CSMD1: variants seen among roughly 807,000 people sequenced by gnomAD.
CSMD1 encodes CUB and Sushi multiple domains 1.
In CSMD1, 213 loss-of-function variants were observed where a neutral mutation model predicts 417.5. That is an observed-to-expected ratio of 0.51 (90% CI 0.46 to 0.57). The LOEUF is 0.57. Among genes scored for constraint, CSMD1 ranks in the 20% least tolerant of loss-of-function variants. The probability of loss-of-function intolerance (pLI) is 0.00; values close to 1 mark genes in which losing one functional copy is unlikely to be tolerated. For missense variants in CSMD1, 6,923 were observed against 4,529.7 expected (o/e 1.53, Z -15.17); for synonymous variants, 2,862 against 1,736.8 (o/e 1.65, Z -16.11).
chr8:3,753,923 T>C lies in CSMD1; in HGVS notation c.931+7A>G, dbSNP rs746352867. 5 of 1,579,458 alleles carry C rather than the reference T, an allele frequency of 3.2e-6. No individual in the cohort carries two copies. Among genetic ancestry groups the C allele is most frequent in the Non-Finnish European group, 4.3e-6 (5 of 1,150,102 alleles). On this transcript the variant is annotated splice_region_variant and intron_variant, in intron 6 of 69. Coordinates refer to ENST00000635120, the MANE Select transcript of CSMD1 (RefSeq NM_033225.6). Reference sequence around the variant, plus strand: ...TTTTTTTTTCTTATAAGATGGAGCATCCTTACCTTGGAACTGAGCGTTAAA... The same window carrying C: ...TTTTTTTTTCTTATAAGATGGAGCACCCTTACCTTGGAACTGAGCGTTAAA...
chr8:4,734,288 C>G (rs1810085753), intron 1 of CSMD1, among the ~76,000 whole-genome samples: 1 of 151,990 alleles, frequency 6.6e-6, no homozygotes. Context: ...ATATATTGAG[C>G]AGTACTAAAA....
chr8:3,366,928 C>A (rs1337090696), intron 20 of CSMD1, 104 bp downstream of exon 20: 3 of 901,590 alleles, frequency 3.3e-6, no homozygotes, highest in Non-Finnish European at 5.3e-6. Context: ...CAAACACACA[C>A]GGATGCACAC....
Position 4,994,765 on chromosome 8 carries a change from G to A in CSMD1, c.-349C>T. ...GAGAGGAGCGCGCGCAGCCAGGAGAGACCTGGAGAGGAGGCAGCTGGAGAG... is the reference window on the plus strand; with the variant it reads ...GAGAGGAGCGCGCGCAGCCAGGAGAAACCTGGAGAGGAGGCAGCTGGAGAG... On this transcript the variant is annotated 5_prime_UTR_variant, in exon 1 of 70. Transcript: ENST00000635120. The A allele has an allele frequency of 3.9e-6, 1 of 255,706 alleles. No individual in the cohort carries two copies. The highest frequency in any genetic ancestry group is 7.4e-6 in the Non-Finnish European group (1 of 134,524). The allele number at this position is 255,706 out of a possible 1,614,324, so 15.8% of individuals were successfully genotyped here.
intron 5 of CSMD1, among the ~76,000 whole-genome samples, chr8:3,894,952 T>G (rs906328965): frequency 9.2e-5 from 14 of 152,316 alleles, no homozygotes; most frequent in African/African-American, 3.4e-4. Context: ...TCCAATATGA[T>G]GAATAGGGTA....
rs758451817 is a variant in CSMD1 at position 2,951,250 on chromosome 8, A to T, written c.10065T>A (p.Asn3355Lys). The change falls in exon 66 of 70, where the codon AAT becomes AAA. Residue 3355 changes from asparagine to lysine, a missense_variant. By Grantham distance (94) the Asn-to-Lys change is moderately conservative. Transcript: ENST00000635120. Reference sequence around the variant, plus strand: ...ATTCATAATACCCCTTCCACAGTGAATTGACGAAAAAGACATCTGAAGGAA... The same window carrying T: ...ATTCATAATACCCCTTCCACAGTGATTTGACGAAAAAGACATCTGAAGGAA... Reference protein sequence around the residue: ...TPVPSDVFFVNSLWKGYYEYL... With the variant: ...TPVPSDVFFVKSLWKGYYEYL... 44 of 1,606,178 alleles carry T rather than the reference A, an allele frequency of 2.7e-5. No homozygotes were observed. Among genetic ancestry groups the T allele is most frequent in the Middle Eastern group, 3.3e-4 (2 of 6,060 alleles).
At chr8:3,990,696 A>C (rs1016883603) in intron 5 of CSMD1, among the ~76,000 whole-genome samples, 1 of 152,184 alleles carries the variant, frequency 6.6e-6, no homozygotes, top group Non-Finnish European at 1.5e-5. Context: ...AGAAATCTCA[A>C]ATTCAGGCTT....
intron 2 of CSMD1, among the ~76,000 whole-genome samples, chr8:4,473,582 A>T (rs1800647312): frequency 6.6e-6 from 1 of 152,220 alleles, no homozygotes; most frequent in Non-Finnish European, 1.5e-5. Context: ...GTAGTTATGC[A>T]CAAATACGGA....
intron 3 of CSMD1, among the ~76,000 whole-genome samples, chr8:4,411,430 AG>A (rs918106811): frequency 3.6e-4 from 55 of 152,306 alleles, no homozygotes; most frequent in African/African-American, 1.3e-3. Flanking sequence ...TACACAGCAA[AG>A]GACTTTTAAT....
At chr8:3,310,885 T>G (rs1805286469) in intron 23 of CSMD1, among the ~76,000 whole-genome samples, 2 of 151,528 alleles carry the variant, frequency 1.3e-5, no homozygotes, top group South Asian at 4.2e-4. Context: ...AATCTGGAGT[T>G]TTAAAAAAAG....
At chr8:3,312,597 G>C (rs1376347560) in intron 23 of CSMD1, among the ~76,000 whole-genome samples, 1 of 152,164 alleles carries the variant, frequency 6.6e-6, no homozygotes, top group Non-Finnish European at 1.5e-5. Context: ...GAGAATCATA[G>C]GCCTTTACAA....
At chr8:3,615,419 T>C (rs1802086282) in intron 8 of CSMD1, among the ~76,000 whole-genome samples, 1 of 152,172 alleles carries the variant, frequency 6.6e-6, no homozygotes, top group South Asian at 2.1e-4. Context: ...AATAAATCAC[T>C]TCAATAAGAA....
At chr8:3,821,299 C>A (rs186806317) in intron 5 of CSMD1, among the ~76,000 whole-genome samples, 1 of 152,174 alleles carries the variant, frequency 6.6e-6, no homozygotes, top group South Asian at 2.1e-4. Context: ...ACCAGCAACA[C>A]AGTCATTATT....
At position 3,387,676 on chromosome 8, in the gene CSMD1, G is replaced by A. The variant is rs1177382642; in HGVS notation, c.2600C>T (p.Thr867Met). 3.1e-6 allele frequency: 5 copies of A among 1,593,718 alleles called. No homozygotes were observed. Among genetic ancestry groups the A allele is most frequent in the East Asian group, 4.6e-5 (2 of 43,800 alleles). Residue 867 changes from threonine (T) to methionine (M), a missense_variant, in exon 18 of 70, where the codon ACG becomes ATG. By Grantham distance (81) the Thr-to-Met change is moderately conservative. Coordinates refer to ENST00000635120, the MANE Select transcript of CSMD1 (RefSeq NM_033225.6). ...IGFLIHYESV[T>M]LESDSCLDPG... ...GTCCAGGCAGGAATCCGACTCAAGCGTCACACCTGGATGCACAGAACGAAT... is the reference window on the plus strand; with the variant it reads ...GTCCAGGCAGGAATCCGACTCAAGCATCACACCTGGATGCACAGAACGAAT...
chr8:4,597,055 C>T (rs1036462929), intron 2 of CSMD1, among the ~76,000 whole-genome samples: 8 of 152,114 alleles, frequency 5.3e-5, no homozygotes, highest in Non-Finnish European at 1.0e-4. Context: ...ATTTTTCTTC[C>T]CTGCCTTGGG....
Position 4,727,282 on chromosome 8 carries a change from G to C in CSMD1, c.86-89724C>G, listed in dbSNP as rs182154477. 3.3e-5 allele frequency among the ~76,000 whole-genome samples: 5 copies of C among 152,292 alleles called. No individual in the cohort carries two copies. In the East Asian group the frequency reaches 9.6e-4, roughly 29 times the overall value. Reference sequence around the variant, plus strand: ...AAACCAGTTAATGTCTACCGGTGAAGTCTGTAACAATAATTAAGTAATTTA... The same window carrying C: ...AAACCAGTTAATGTCTACCGGTGAACTCTGTAACAATAATTAAGTAATTTA... On this transcript the variant is annotated intron_variant, in intron 1 of 69. Transcript: ENST00000635120.
rs373860903 is a variant in CSMD1 at position 3,196,716 on chromosome 8, C to T, written c.5194+2998G>A. ...GCCTGAGCCACAGCTGCAAACAGTGCTCCATAATCACTGAAACTTGTTGGT... is the reference window on the plus strand; with the variant it reads ...GCCTGAGCCACAGCTGCAAACAGTGTTCCATAATCACTGAAACTTGTTGGT... On this transcript the variant is annotated intron_variant, in intron 33 of 69. Transcript: ENST00000635120. Among the ~76,000 whole-genome samples the T allele has an allele frequency of 2.1e-3, 325 of 152,290 alleles. 4 individuals carry two copies. The South Asian group carries it at 0.027, about 13-fold the overall frequency.
intron 3 of CSMD1, among the ~76,000 whole-genome samples, chr8:4,244,378 G>A (rs530549120): frequency 4.6e-5 from 7 of 152,268 alleles, no homozygotes; most frequent in African/African-American, 1.2e-4. Flanking sequence ...CCTAGAAACG[G>A]ATGTTTTTAT....
intron 50 of CSMD1, among the ~76,000 whole-genome samples, chr8:3,031,676 G>A (rs1810349981): frequency 6.6e-6 from 1 of 151,888 alleles, no homozygotes; most frequent in Non-Finnish European, 1.5e-5. Context: ...GGGATTACAG[G>A]TATGAGCCGC....
chr8:2,957,611 C>T, intron 63 of CSMD1, 85 bp downstream of exon 63: 2 of 909,902 alleles, frequency 2.2e-6, no homozygotes, highest in Middle Eastern at 4.5e-4. Context: ...AACAATTTCT[C>T]ATTATTTCCC....
Sources: gnomAD v4.1 joint callset for allele counts (sites outside exome capture counted in the v4.1 genomes callset) on GRCh38, gnomAD v4.1.1 for gene constraint, MANE v1.5 for transcripts, NCBI Gene and HGNC (gene_info 2026-07-23, HGNC 2026-07-21) for gene names.